CHSY3: variants seen among roughly 807,000 people sequenced by gnomAD.
The protein encoded by CHSY3 is N-acetylgalactosaminyl-proteoglycan 3-beta-glucuronosyltransferase 3.
CHSY3 carries 35 observed loss-of-function variants against 67.2 expected under a neutral mutation model. The ratio of observed to expected loss-of-function variants is 0.52; its 90% CI spans 0.40 to 0.69. The LOEUF (loss-of-function observed/expected upper bound fraction) is 0.69, where lower values mean the gene tolerates loss of function less well. CHSY3 is among the 30% of genes least tolerant of loss of function. The probability of loss-of-function intolerance (pLI) is 0.00; values close to 1 mark genes in which losing one functional copy is unlikely to be tolerated. For synonymous variants in CHSY3, 474 were observed against 434.7 expected (o/e 1.09, Z -1.12); for missense variants, 1,069 against 1,138.5 (o/e 0.94, Z 0.88).
At chr5:129,935,703 C>T (rs1761465839) in intron 2 of CHSY3, among the ~76,000 whole-genome samples, 1 of 152,160 alleles carries the variant, frequency 6.6e-6, no homozygotes, top group Non-Finnish European at 1.5e-5. Context: ...GAGTCAATCA[C>T]ATGGAAATAT....
At chr5:129,968,841 C>T (rs1364973812) in intron 2 of CHSY3, among the ~76,000 whole-genome samples, 1 of 151,806 alleles carries the variant, frequency 6.6e-6, no homozygotes, top group Non-Finnish European at 1.5e-5. Context: ...CTACCTGCAT[C>T]TGAAATATGT....
At chr5:130,131,259 C>A (rs1424151248) in intron 2 of CHSY3, among the ~76,000 whole-genome samples, 1 of 152,122 alleles carries the variant, frequency 6.6e-6, no homozygotes, top group Non-Finnish European at 1.5e-5. Flanking sequence ...CACTCAATTT[C>A]CCCTAAAGTA....
At chr5:130,183,157 C>T (rs181357608) in intron 2 of CHSY3, among the ~76,000 whole-genome samples, 107 of 151,992 alleles carry the variant, frequency 7.0e-4, no homozygotes, top group South Asian at 3.9e-3. Flanking sequence ...TCACGTATCT[C>T]GAGTGGGTAT....
chr5:129,914,596 T>G (rs933852320), intron 2 of CHSY3, among the ~76,000 whole-genome samples: 3 of 152,238 alleles, frequency 2.0e-5, no homozygotes, highest in African/African-American at 7.2e-5. Flanking sequence ...AGCAGTAAGC[T>G]TCTCACACCT....
intron 2 of CHSY3, among the ~76,000 whole-genome samples, chr5:130,067,829 G>A (rs1247401172): frequency 6.6e-6 from 1 of 151,976 alleles, no homozygotes; most frequent in East Asian, 1.9e-4. Context: ...TTCGTCTCTG[G>A]GTTCCACACA....
chr5:130,072,384 C>A (rs115814148), intron 2 of CHSY3, among the ~76,000 whole-genome samples: 1,725 of 152,106 alleles, frequency 0.011, 26 homozygotes, highest in African/African-American at 0.038. Context: ...ATGTGGATAT[C>A]CAGTTTTCCC....
At chr5:129,929,211 A>G (rs1761217172) in intron 2 of CHSY3, among the ~76,000 whole-genome samples, 1 of 152,208 alleles carries the variant, frequency 6.6e-6, no homozygotes. Flanking sequence ...TCTACTAGAC[A>G]GTTGGAGCTA....
At chr5:129,954,046 T>C (rs1337050708) in intron 2 of CHSY3, among the ~76,000 whole-genome samples, 1 of 152,202 alleles carries the variant, frequency 6.6e-6, no homozygotes, top group East Asian at 1.9e-4. Context: ...ATTCCTGAAG[T>C]CTTTGCCCAT....
intron 2 of CHSY3, among the ~76,000 whole-genome samples, chr5:130,080,164 G>A (rs1766402730): frequency 1.3e-5 from 2 of 151,580 alleles, no homozygotes; most frequent in Non-Finnish European, 1.5e-5. Flanking sequence ...GCAAGCTACA[G>A]GTAATTCAAT....
chr5:130,123,880 A>G (rs1010021156), intron 2 of CHSY3, among the ~76,000 whole-genome samples: 1 of 151,676 alleles, frequency 6.6e-6, no homozygotes, highest in Non-Finnish European at 1.5e-5. Context: ...ACTCGGTGAA[A>G]CCCCATCTCT....
rs141666279 is a variant in CHSY3 at position 129,939,518 on chromosome 5, G to C, written c.1086+31158G>C. Among the ~76,000 whole-genome samples, 649 of 152,134 alleles carry C rather than the reference G, an allele frequency of 4.3e-3. 9 individuals are homozygous for C. Among genetic ancestry groups the C allele is most frequent in the African/African-American group, 0.015 (634 of 41,518 alleles). On this transcript the variant is annotated intron_variant, in intron 2 of 2. Transcript: ENST00000305031. ...AAGTGCCATTTCACATAGAGCCTCA[G>C]GTACTATGTTTTATGTATAATTTGA...
In CHSY3 at chr5:130,184,821, A is replaced by G. The variant is rs1770364191; in HGVS notation, c.1679A>G (p.His560Arg). Reference sequence around the variant, plus strand: ...AAACTGACTGTGCCAGTGAGACGTCATGCCTATCTTCAGCAGTTGTTCAGC... The same window carrying G: ...AAACTGACTGTGCCAGTGAGACGTCGTGCCTATCTTCAGCAGTTGTTCAGC... ...GRKLTVPVRR[H>R]AYLQQLFSKP... Residue 560 changes from histidine (H) to arginine (R), a missense_variant, in exon 3 of 3, where the codon CAT (histidine) becomes CGT (arginine). Transcript: ENST00000305031. 2 of 1,611,198 alleles carry G rather than the reference A, an allele frequency of 1.2e-6. No individual in the cohort carries two copies. The highest frequency in any genetic ancestry group is 2.7e-5 in the African/African-American group (2 of 74,884).
chr5:129,963,122 G>A (rs1308122548), intron 2 of CHSY3, among the ~76,000 whole-genome samples: 1 of 151,530 alleles, frequency 6.6e-6, no homozygotes. Flanking sequence ...GGGGAGAGAG[G>A]GCCTCTATAC....
intron 2 of CHSY3, among the ~76,000 whole-genome samples, chr5:129,914,496 T>G (rs1234922746): frequency 6.6e-6 from 1 of 152,230 alleles, no homozygotes; most frequent in African/African-American, 2.4e-5. Flanking sequence ...TATGAAAAAG[T>G]ATAAGACAGG....
chr5:130,085,076 A>T (rs1487070736), intron 2 of CHSY3, among the ~76,000 whole-genome samples: 1 of 151,940 alleles, frequency 6.6e-6, no homozygotes, highest in Non-Finnish European at 1.5e-5. Context: ...TCCACTTCTC[A>T]TCATGGCCTG....
intron 2 of CHSY3, among the ~76,000 whole-genome samples, chr5:130,138,094 GA>G (rs1768725246): frequency 6.6e-6 from 1 of 152,100 alleles, no homozygotes; most frequent in African/African-American, 2.4e-5. Context: ...AAAAATTCAA[GA>G]AAAATATTTC....
chr5:130,083,908 CTCT>C (rs1766521540), intron 2 of CHSY3, among the ~76,000 whole-genome samples: 1 of 151,150 alleles, frequency 6.6e-6, no homozygotes, highest in South Asian at 2.1e-4. Context: ...TCTTTTTTTC[CTCT>C]TCTTCTTTAA....
chr5:130,021,899 A>G (rs573932213), intron 2 of CHSY3, among the ~76,000 whole-genome samples: 4 of 152,240 alleles, frequency 2.6e-5, no homozygotes, highest in African/African-American at 9.6e-5. Context: ...TTGTTTACGC[A>G]TTGTCTTGCC....
chr5:129,962,050 C>T (rs1762338942), intron 2 of CHSY3, among the ~76,000 whole-genome samples: 1 of 151,958 alleles, frequency 6.6e-6, no homozygotes, highest in Non-Finnish European at 1.5e-5. Context: ...TCATCTCATA[C>T]CAATCCCTGC....
Sources: gnomAD v4.1 joint callset for allele counts (sites outside exome capture counted in the v4.1 genomes callset) on GRCh38, gnomAD v4.1.1 for gene constraint, MANE v1.5 for transcripts, NCBI Gene and HGNC (gene_info 2026-07-23, HGNC 2026-07-21) for gene names.